Variants in POU2F3 observed in about 807,000 individuals in gnomAD.
The protein encoded by POU2F3 is POU domain, class 2, transcription factor 3.
Under a neutral mutation model 59.2 loss-of-function variants are expected in POU2F3, and 23 were observed. The ratio of observed to expected loss-of-function variants is 0.39; its 90% CI spans 0.28 to 0.55. The LOEUF is 0.55. Among genes scored for constraint, POU2F3 ranks in the 20% least tolerant of loss-of-function variants. The probability of loss-of-function intolerance (pLI) is 0.66; values close to 1 mark genes in which losing one functional copy is unlikely to be tolerated. For synonymous variants in POU2F3, 190 were observed against 214.6 expected, an observed-to-expected ratio of 0.89 and a Z score of 1.00; for missense variants, 473 against 544.5, an observed-to-expected ratio of 0.87 and a Z score of 1.31.
chr11:120,305,554 G>A lies in POU2F3; in HGVS notation c.628-90G>A, dbSNP rs537128965. ...GAGCACTCAAAGATTCAGGCTGGCT[G>A]TGTGATCGATGCTAGGACCATGCAG... On this transcript the variant is annotated intron_variant, in intron 7 of 12. Transcript: ENST00000543440. The A allele has an allele frequency of 1.6e-3, 2,395 of 1,530,414 alleles. 21 individuals are homozygous for A. The highest frequency in any genetic ancestry group is 0.013 in the Admixed American group (696 of 53,422). The allele number at this position is 1,530,414 out of a possible 1,614,324, so 94.8% of individuals were successfully genotyped here. A position where few individuals can be genotyped will look rare whatever the true frequency, so the allele number is the denominator to read the frequency against.
intron 1 of POU2F3, among the ~76,000 whole-genome samples, chr11:120,242,343 T>C (rs1175413805): frequency 6.6e-6 from 1 of 152,156 alleles, no homozygotes; most frequent in African/African-American, 2.4e-5. Flanking sequence ...GGTCTTCCAG[T>C]GCGCACCCTG....
chr11:120,297,116 G>C (rs1941213061), intron 3 of POU2F3, among the ~76,000 whole-genome samples: 1 of 152,210 alleles, frequency 6.6e-6, no homozygotes, highest in African/African-American at 2.4e-5. Context: ...GTCCACATAG[G>C]AGGGTCTCCC....
intron 9 of POU2F3, among the ~76,000 whole-genome samples, chr11:120,308,852 T>C (rs971971396): frequency 6.9e-6 from 1 of 144,048 alleles, no homozygotes; most frequent in Non-Finnish European, 1.5e-5. Flanking sequence ...GCAGAGAGAA[T>C]TGCTTGAACC....
intron 1 of POU2F3, among the ~76,000 whole-genome samples, chr11:120,245,208 C>G (rs1938820687): frequency 6.6e-6 from 1 of 152,180 alleles, no homozygotes; most frequent in Admixed American, 6.5e-5. Context: ...CTGCTACACT[C>G]CAGAGGTGTA....
intron 2 of POU2F3, among the ~76,000 whole-genome samples, chr11:120,264,551 A>G (rs1038028556): frequency 6.6e-6 from 1 of 152,216 alleles, no homozygotes; most frequent in Non-Finnish European, 1.5e-5. Flanking sequence ...CAAAGTCCCC[A>G]ACACAAGATC....
upstream of POU2F3, among the ~76,000 whole-genome samples, chr11:120,237,063 C>G (rs1196953515): frequency 1.3e-5 from 2 of 152,158 alleles, no homozygotes; most frequent in Non-Finnish European, 2.9e-5. Context: ...GGACTAAAAT[C>G]CTGGCTTTGG....
intron 3 of POU2F3, among the ~76,000 whole-genome samples, chr11:120,283,772 CGTGT>C (rs36099803): frequency 0.019 from 2,461 of 130,378 alleles, 33 homozygotes; most frequent in Non-Finnish European, 0.026. Context: ...TAATAGGCTT[CGTGT>C]GTGTGTGTGT....
intron 1 of POU2F3, among the ~76,000 whole-genome samples, chr11:120,244,763 G>A (rs1248102559): frequency 2.0e-5 from 3 of 152,230 alleles, no homozygotes; most frequent in Non-Finnish European, 4.4e-5. Context: ...ATGGGTGGGA[G>A]AGGGGAGCCC....
At chr11:120,307,213 G>A (rs972400880) in intron 8 of POU2F3, among the ~76,000 whole-genome samples, 1 of 152,216 alleles carries the variant, frequency 6.6e-6, no homozygotes, top group South Asian at 2.1e-4. Flanking sequence ...AGACACTGCT[G>A]TGGGGGCCAC....
intron 1 of POU2F3, 108 bp downstream of exon 1, chr11:120,240,479 A>T: frequency 1.7e-6 from 2 of 1,209,292 alleles, no homozygotes; most frequent in Non-Finnish European, 2.1e-6. Flanking sequence ...CCCAGCGGCC[A>T]GGAGAGGGCG....
At chr11:120,309,396 G>T (rs1941592017) in intron 9 of POU2F3, 29 bp from the exon 10 acceptor site, 2 of 1,585,048 alleles carry the variant, frequency 1.3e-6, no homozygotes, top group Non-Finnish European at 1.7e-6. Context: ...CCTTCTCTTG[G>T]CCATACTCTG....
chr11:120,275,437 A>C (rs1255924759), intron 3 of POU2F3, among the ~76,000 whole-genome samples: 1 of 152,102 alleles, frequency 6.6e-6, no homozygotes, highest in Non-Finnish European at 1.5e-5. Context: ...TTCAGAAGAA[A>C]ACTGGGAGGT....
chr11:120,317,115 G>A (rs936996112), intron 11 of POU2F3, 114 bp from the exon 12 acceptor site: 3 of 1,280,514 alleles, frequency 2.3e-6, no homozygotes, highest in African/African-American at 2.9e-5. Context: ...CTAGGGAGAG[G>A]GTGAGGTCCC....
chr11:120,249,567 T>A (rs1413928371), intron 2 of POU2F3, among the ~76,000 whole-genome samples: 1 of 152,216 alleles, frequency 6.6e-6, no homozygotes, highest in African/African-American at 2.4e-5. Context: ...ATGTGGTTGA[T>A]GAGAATATAG....
rs1941809900 is a variant in POU2F3, at chr11:120,317,167, C to G, written c.1136-62C>G. The G allele has an allele frequency of 7.5e-6, 12 of 1,592,584 alleles. No homozygotes were observed. The South Asian group carries it at 1.3e-4, about 18-fold the overall frequency. ...GAAATTTGTGTCTGAGGGGCTATGT[C>G]CCGATGTCCCGGGATCCAGCAGCAT... is the stretch of plus-strand genomic sequence containing the variant. On this transcript the variant is annotated intron_variant, in intron 11 of 12. Coordinates refer to ENST00000543440, the MANE Select transcript of POU2F3 (RefSeq NM_014352.4).
At chr11:120,273,752 A>G (rs1940180604) in intron 3 of POU2F3, among the ~76,000 whole-genome samples, 1 of 152,194 alleles carries the variant, frequency 6.6e-6, no homozygotes, top group South Asian at 2.1e-4. Context: ...GCAGTGGCTC[A>G]TATCTGTAAT....
intron 2 of POU2F3, among the ~76,000 whole-genome samples, chr11:120,267,009 A>C (rs1156239052): frequency 6.6e-6 from 1 of 152,062 alleles, no homozygotes; most frequent in Non-Finnish European, 1.5e-5. Context: ...ACCCAATGTT[A>C]CAACATCACA....
At chr11:120,311,115 G>T (rs1941638799) in intron 10 of POU2F3, among the ~76,000 whole-genome samples, 1 of 151,760 alleles carries the variant, frequency 6.6e-6, no homozygotes, top group African/African-American at 2.4e-5. Flanking sequence ...TCACAGAACT[G>T]CAAGTGGTTC....
At chr11:120,305,421 G>C in intron 7 of POU2F3, 1 of 893,658 alleles carries the variant, frequency 1.1e-6, no homozygotes, top group African/African-American at 1.7e-5. Context: ...TGGAAAAGGG[G>C]CTGGCTCTCC....
Sources: gnomAD v4.1 joint callset for allele counts (sites outside exome capture counted in the v4.1 genomes callset) on GRCh38, gnomAD v4.1.1 for gene constraint, MANE v1.5 for transcripts, NCBI Gene and HGNC (gene_info 2026-07-23, HGNC 2026-07-21) for gene names.